SIL1: variants seen among roughly 807,000 people sequenced by gnomAD.
The protein encoded by SIL1 is SIL1 nucleotide exchange factor, also known as nucleotide exchange factor SIL1.
Under a neutral mutation model 49.1 loss-of-function variants are expected in SIL1, and 40 were observed. That is an observed-to-expected ratio of 0.81 (90% CI 0.63 to 1.06). The LOEUF (loss-of-function observed/expected upper bound fraction) is 1.06, where lower values mean the gene tolerates loss of function less well. Among genes scored for constraint, SIL1 ranks in the 50% least tolerant of loss-of-function variants. The pLI is 0.00. For synonymous variants in SIL1, 253 were observed against 250.8 expected, an observed-to-expected ratio of 1.01 and a Z score of -0.08; for missense variants, 500 against 572.6, an observed-to-expected ratio of 0.87 and a Z score of 1.29.
chr5:139,134,275 T>C (rs1265612087), intron 1 of SIL1, among the ~76,000 whole-genome samples: 12 of 152,176 alleles, frequency 7.9e-5, no homozygotes, highest in African/African-American at 2.7e-4. Flanking sequence ...GTAGCAGATA[T>C]GGTGTGCCAC....
chr5:139,169,321 G>A (rs1014234254), intron 1 of SIL1, among the ~76,000 whole-genome samples: 2 of 152,086 alleles, frequency 1.3e-5, no homozygotes, highest in Non-Finnish European at 2.9e-5. Context: ...AAACAAAAAC[G>A]AAAACCACAA....
At chr5:138,995,329 C>T (rs1359953174) in intron 7 of SIL1, among the ~76,000 whole-genome samples, 2 of 151,352 alleles carry the variant, frequency 1.3e-5, no homozygotes, top group East Asian at 1.9e-4. Context: ...CTCACCACAA[C>T]CTCTGCCTCC....
chr5:139,052,172 C>A (rs1480134348), intron 3 of SIL1, among the ~76,000 whole-genome samples: 2 of 152,154 alleles, frequency 1.3e-5, no homozygotes, highest in African/African-American at 4.8e-5. Flanking sequence ...GGCAAGTATT[C>A]ACCAGTTCTC....
chr5:138,985,714 T>C (rs1050531412), intron 7 of SIL1, among the ~76,000 whole-genome samples: 15 of 152,214 alleles, frequency 9.9e-5, no homozygotes, highest in Non-Finnish European at 1.6e-4. Context: ...CTGTATCCCA[T>C]GTGTCCAGAC....
At chr5:139,048,942 G>A (rs1769229059) in intron 4 of SIL1, among the ~76,000 whole-genome samples, 1 of 152,170 alleles carries the variant, frequency 6.6e-6, no homozygotes, top group Non-Finnish European at 1.5e-5. Context: ...TTCCCAATTT[G>A]GAGTGACTGT....
At chr5:138,957,141 A>G (rs1363967423) in intron 7 of SIL1, among the ~76,000 whole-genome samples, 1 of 152,144 alleles carries the variant, frequency 6.6e-6, no homozygotes, top group Non-Finnish European at 1.5e-5. Flanking sequence ...CTCTGAGGAG[A>G]TAAAGGGAAC....
At chr5:139,150,319 G>A (rs1427747939) in intron 1 of SIL1, among the ~76,000 whole-genome samples, 3 of 151,898 alleles carry the variant, frequency 2.0e-5, no homozygotes, top group South Asian at 2.1e-4. Flanking sequence ...CCCTCCACAC[G>A]TCTCATCCTC....
chr5:139,176,889 C>CCAAG (rs2151817890), intron 1 of SIL1, among the ~76,000 whole-genome samples: 1 of 151,534 alleles, frequency 6.6e-6, no homozygotes, highest in East Asian at 1.9e-4. Flanking sequence ...AGTAAATAGT[C>CCAAG]CAAGGTCACA....
At position 138,964,433 on chromosome 5, in the gene SIL1, T is replaced by C. The variant is rs180899836; in HGVS notation, c.768-12549A>G. On this transcript the variant is annotated intron_variant, in intron 7 of 9. Transcript: ENST00000394817. ...TGCTGGAGGAATGACCTTGACAAGA[T>C]CAAAAGTTATTAAAATAGGAGGAGG... 2.4e-4 allele frequency among the ~76,000 whole-genome samples: 37 copies of C among 152,212 alleles called. No individual in the cohort carries two copies. The East Asian group carries it at 3.1e-3, about 13-fold the overall frequency.
At chr5:139,008,537 C>A (rs1403105188) in intron 7 of SIL1, among the ~76,000 whole-genome samples, 1 of 143,608 alleles carries the variant, frequency 7.0e-6, no homozygotes, top group Non-Finnish European at 1.5e-5. Context: ...TTTTCTAGTT[C>A]TTTTAATTGT....
intron 3 of SIL1, among the ~76,000 whole-genome samples, chr5:139,076,920 G>C (rs1769965050): frequency 6.6e-6 from 1 of 152,194 alleles, no homozygotes; most frequent in African/African-American, 2.4e-5. Context: ...CACGAGGTCA[G>C]GAGAGGAGAT....
chr5:139,020,399 C>T (rs1032157892), intron 7 of SIL1, among the ~76,000 whole-genome samples: 3 of 152,252 alleles, frequency 2.0e-5, no homozygotes, highest in Admixed American at 6.5e-5. Context: ...AGCTTTTCTC[C>T]TGTAACATCG....
intron 7 of SIL1, among the ~76,000 whole-genome samples, chr5:139,019,864 G>C (rs1167546418): frequency 6.6e-6 from 1 of 152,196 alleles, no homozygotes; most frequent in Non-Finnish European, 1.5e-5. Flanking sequence ...AATAATGTTG[G>C]ATTTAGTTCT....
At chr5:139,130,779 A>G (rs1392934808) in intron 1 of SIL1, among the ~76,000 whole-genome samples, 2 of 152,236 alleles carry the variant, frequency 1.3e-5, no homozygotes, top group African/African-American at 4.8e-5. Flanking sequence ...ATACAATGGA[A>G]TATTATTCAG....
In SIL1 at chr5:139,137,397, G is replaced by T; in HGVS notation, c.-10-9544C>A. ...AAAGCCAGTTTGGCCCCAAAGCCAT[G>T]CTCTTTCCATAGCCGTGCTGTCTCT... On this transcript the variant is annotated intron_variant, in intron 1 of 9. Transcript: ENST00000394817. 3 of 701,488 alleles carry T rather than the reference G, an allele frequency of 4.3e-6. No homozygotes were observed. In the South Asian group the frequency reaches 4.4e-5, roughly 10 times the overall value. The allele number at this position is 701,488 out of a possible 1,614,324, so 43.5% of individuals were successfully genotyped here. A position where few individuals can be genotyped will look rare whatever the true frequency, so the allele number is the denominator to read the frequency against.
intron 7 of SIL1, among the ~76,000 whole-genome samples, chr5:138,965,793 T>C (rs79812170): frequency 0.013 from 1,967 of 148,696 alleles, 43 homozygotes; most frequent in African/African-American, 0.046. Context: ...CTTCTTTCTG[T>C]ACAACCTTAA....
intron 6 of SIL1, 133 bp from the exon 7 acceptor site, chr5:139,021,425 A>T (rs1364846392): frequency 7.2e-7 from 1 of 1,395,476 alleles, no homozygotes; most frequent in Non-Finnish European, 9.9e-7. Flanking sequence ...CTTTTTGACT[A>T]AGAAAAGGTT....
intron 1 of SIL1, among the ~76,000 whole-genome samples, chr5:139,191,967 C>T (rs562603503): frequency 1.6e-4 from 24 of 149,698 alleles, no homozygotes; most frequent in African/African-American, 4.9e-4. Context: ...CCCAGCTACT[C>T]GGAAGGCTGA....
chr5:139,018,317 C>T (rs564087589), intron 7 of SIL1, among the ~76,000 whole-genome samples: 11 of 152,176 alleles, frequency 7.2e-5, no homozygotes, highest in East Asian at 5.8e-4. Context: ...AACAAGAGAC[C>T]GGACATGGTG....
Sources: gnomAD v4.1 joint callset for allele counts (sites outside exome capture counted in the v4.1 genomes callset) on GRCh38, gnomAD v4.1.1 for gene constraint, MANE v1.5 for transcripts, NCBI Gene and HGNC (gene_info 2026-07-23, HGNC 2026-07-21) for gene names.